TMEM245: variants seen among roughly 807,000 people sequenced by gnomAD.
TMEM245 encodes the protein protein CG-2.
A neutral mutation model predicts 101.2 loss-of-function variants in TMEM245; 69 were observed. The ratio of observed to expected loss-of-function variants is 0.68; its 90% CI spans 0.56 to 0.83. TMEM245 has a LOEUF of 0.83. Among genes scored for constraint, TMEM245 ranks in the 40% least tolerant of loss-of-function variants. TMEM245 has a pLI of 0.00. For synonymous variants in TMEM245, 537 were observed against 449.8 expected, an observed-to-expected ratio of 1.19 and a Z score of -2.45; for missense variants, 1,075 against 1,092.8, an observed-to-expected ratio of 0.98 and a Z score of 0.23.
At chr9:109,107,129 T>C (rs1360623683) in intron 2 of TMEM245, among the ~76,000 whole-genome samples, 4 of 152,024 alleles carry the variant, frequency 2.6e-5, no homozygotes, top group African/African-American at 7.2e-5. Context: ...GGCTCACACC[T>C]GTAATCCCAG....
intron 7 of TMEM245, among the ~76,000 whole-genome samples, chr9:109,083,461 T>G (rs890039329): frequency 2.0e-5 from 3 of 152,212 alleles, no homozygotes; most frequent in African/African-American, 7.2e-5. Context: ...GAGAAGTTAC[T>G]TTAATTTTTA....
At chr9:109,035,418 A>G (rs562866367) in intron 16 of TMEM245, among the ~76,000 whole-genome samples, 19 of 152,292 alleles carry the variant, frequency 1.2e-4, no homozygotes, top group Admixed American at 1.0e-3. Context: ...CAAAACCTAT[A>G]AAAACAGACA....
intron 12 of TMEM245, among the ~76,000 whole-genome samples, chr9:109,052,198 A>G (rs4542004): frequency 0.29 from 44,804 of 152,122 alleles, 6,661 homozygotes; most frequent in Admixed American, 0.33. Context: ...AAATACAAAA[A>G]CAAAATGACC....
chr9:109,105,834 G>A (rs531093500), intron 3 of TMEM245, among the ~76,000 whole-genome samples: 13 of 152,092 alleles, frequency 8.5e-5, no homozygotes, highest in African/African-American at 2.2e-4. Context: ...GCAGTGGTGC[G>A]ATCTCGGCTC....
At position 109,108,521 on chromosome 9, in the gene TMEM245, T is replaced by C. The variant is rs201071408; in HGVS notation, c.629A>G (p.Asn210Ser). The C allele has an allele frequency of 3.7e-5, 59 of 1,609,926 alleles. No homozygotes were observed. The Admixed American group carries it at 6.7e-4, about 18-fold the overall frequency. The part of the protein sequence containing the change: ...GYVLTVSFKW[N>S]ASTERYLRAV... ...TCTCAAGTAGCGTTCAGTGCTTGCA[T>C]TCCACTTGAATGAAACAGTCAACAC... The change falls in exon 2 of 18, where the codon AAT becomes AGT. Residue 210 changes from asparagine (N) to serine (S), a missense_variant. Asn to Ser is a conservative substitution (Grantham distance 46). This residue lies in a region of TMEM245 where 808 missense variants were observed against 741.5 expected (regional missense o/e 1.09). Transcript: ENST00000374586.
chr9:109,090,218 G>A (rs748917810), intron 5 of TMEM245, among the ~76,000 whole-genome samples: 2 of 151,898 alleles, frequency 1.3e-5, no homozygotes, highest in Non-Finnish European at 2.9e-5. Context: ...CTGAGATCGC[G>A]CCACTGCAAT....
intron 16 of TMEM245, among the ~76,000 whole-genome samples, chr9:109,034,191 A>G (rs1828052000): frequency 6.6e-6 from 1 of 152,366 alleles, no homozygotes; most frequent in Non-Finnish European, 1.5e-5. Flanking sequence ...ACTGGGAAAT[A>G]AGTCACATTC....
chr9:109,069,698 T>C (rs773390065), intron 9 of TMEM245, among the ~76,000 whole-genome samples: 1 of 152,144 alleles, frequency 6.6e-6, no homozygotes, highest in Non-Finnish European at 1.5e-5. Flanking sequence ...TTACAACCCC[T>C]TCCACTCTAC....
chr9:109,052,441 C>T (rs543355187), intron 12 of TMEM245, among the ~76,000 whole-genome samples: 1 of 152,192 alleles, frequency 6.6e-6, no homozygotes, highest in South Asian at 2.1e-4. Context: ...TGGTGCCCTT[C>T]CCAAAACAGC....
chr9:109,060,683 G>C (rs1828985917), intron 10 of TMEM245, among the ~76,000 whole-genome samples: 1 of 152,058 alleles, frequency 6.6e-6, no homozygotes, highest in African/African-American at 2.4e-5. Context: ...GTCTCTAAGA[G>C]AGCTACCTCA....
intron 3 of TMEM245, among the ~76,000 whole-genome samples, chr9:109,094,680 T>G (rs1283531674): frequency 6.6e-6 from 1 of 152,210 alleles, no homozygotes; most frequent in Non-Finnish European, 1.5e-5. Context: ...AGAAATTCCA[T>G]GTGCAAAAAT....
At chr9:109,026,140 T>C (rs1460029898) in intron 17 of TMEM245, among the ~76,000 whole-genome samples, 2 of 152,204 alleles carry the variant, frequency 1.3e-5, no homozygotes, top group African/African-American at 4.8e-5. Flanking sequence ...TTCCTTCCAC[T>C]AGGAATTGAG....
chr9:109,063,679 T>C (rs752339177), intron 10 of TMEM245, among the ~76,000 whole-genome samples: 3 of 152,192 alleles, frequency 2.0e-5, no homozygotes, highest in Non-Finnish European at 4.4e-5. Context: ...TTAACTGTGC[T>C]GCCTTTCCTC....
intron 5 of TMEM245, among the ~76,000 whole-genome samples, chr9:109,087,588 G>A (rs555895264): frequency 1.3e-5 from 2 of 152,212 alleles, no homozygotes; most frequent in East Asian, 3.9e-4. Context: ...AATCCTTGTA[G>A]AGTCAGGGAT....
intron 3 of TMEM245, among the ~76,000 whole-genome samples, chr9:109,098,263 T>C (rs1830193168): frequency 6.6e-6 from 1 of 152,186 alleles, no homozygotes; most frequent in African/African-American, 2.4e-5. Context: ...AACTTGCTAA[T>C]GGCACTAAAA....
intron 1 of TMEM245, among the ~76,000 whole-genome samples, chr9:109,108,918 C>G (rs565559210): frequency 6.6e-6 from 1 of 152,140 alleles, no homozygotes; most frequent in Admixed American, 6.5e-5. Context: ...CTACAGTTTT[C>G]TCTGTTGATC....
intron 15 of TMEM245, among the ~76,000 whole-genome samples, chr9:109,036,998 C>T (rs1828147528): frequency 6.6e-6 from 1 of 152,160 alleles, no homozygotes; most frequent in Admixed American, 6.5e-5. Context: ...AGGGTGCTTG[C>T]AGGTCAGAGG....
intron 17 of TMEM245, among the ~76,000 whole-genome samples, chr9:109,023,335 T>C (rs1827689085): frequency 6.6e-6 from 1 of 152,194 alleles, no homozygotes; most frequent in Admixed American, 6.5e-5. Flanking sequence ...ATTATTTGGT[T>C]TTTGGCTTAT....
intron 12 of TMEM245, among the ~76,000 whole-genome samples, chr9:109,056,815 C>T (rs1828853090): frequency 6.6e-6 from 1 of 152,172 alleles, no homozygotes; most frequent in Admixed American, 6.5e-5. Context: ...GGTGATGATG[C>T]ATGGTAGGAG....
Sources: gnomAD v4.1 joint callset for allele counts (sites outside exome capture counted in the v4.1 genomes callset) on GRCh38, gnomAD v4.1.1 for gene constraint, gnomAD v4.1.1 regional missense constraint, MANE v1.5 for transcripts, NCBI Gene and HGNC (gene_info 2026-07-23, HGNC 2026-07-21) for gene names.